PCNX2: variants seen among roughly 807,000 people sequenced by gnomAD.
PCNX2 encodes the protein pecanex-like protein 2.
PCNX2 carries 168 observed loss-of-function variants against 223.8 expected under a neutral mutation model. That is an observed-to-expected ratio of 0.75 (90% CI 0.66 to 0.85). PCNX2 has a LOEUF of 0.85. Ranked by LOEUF, PCNX2 falls within the 40% of genes least tolerant of loss-of-function variation. The pLI is 0.00. For synonymous variants in PCNX2, 1,006 were observed against 1,052.6 expected (o/e 0.96, Z 0.86); for missense variants, 2,507 against 2,675.5 (o/e 0.94, Z 1.39).
chr1:233,033,332 AGAAAAATAC>A, intron 25 of PCNX2: 1 of 367,204 alleles, frequency 2.7e-6, no homozygotes, highest in Non-Finnish European at 3.8e-6. Flanking sequence ...ATGAGAGGTA[AGAAAAATAC>A]GAACACAGAA....
At chr1:233,141,004 A>G (rs1175340112) in intron 19 of PCNX2, among the ~76,000 whole-genome samples, 1 of 152,160 alleles carries the variant, frequency 6.6e-6, no homozygotes, top group Non-Finnish European at 1.5e-5. Flanking sequence ...CAACTCCATT[A>G]CACCTCTGGA....
At chr1:233,153,394 G>A (rs970843234) in intron 19 of PCNX2, among the ~76,000 whole-genome samples, 2 of 152,150 alleles carry the variant, frequency 1.3e-5, no homozygotes, top group Admixed American at 1.3e-4. Context: ...AAGTTGGAAT[G>A]AGAAATATAC....
At chr1:233,254,910 C>T (rs1345441471) in intron 5 of PCNX2, among the ~76,000 whole-genome samples, 2 of 152,180 alleles carry the variant, frequency 1.3e-5, no homozygotes, top group African/African-American at 4.8e-5. Context: ...ATATTATAGA[C>T]AATTTTTCAA....
intron 22 of PCNX2, among the ~76,000 whole-genome samples, chr1:233,091,653 A>G (rs748614154): frequency 1.3e-5 from 2 of 150,298 alleles, no homozygotes; most frequent in Non-Finnish European, 3.0e-5. Context: ...GGATCTCTTG[A>G]GCCCAGGAGT....
rs556044650 is a variant in PCNX2, at chr1:233,017,007, C to T, written c.4753G>A (p.Val1585Ile). ...MFNINIDDDYVPCLQGITRAS... is the reference protein window; with the variant it reads ...MFNINIDDDYIPCLQGITRAS... ...CGTGTGATCCCCTGGAGACACGGGA[C>T]GTAGTCATCATCAATGTTAATGTTG... The change falls in exon 27 of 34, where the codon GTC (valine) becomes ATC (isoleucine). Residue 1585 changes from valine (V) to isoleucine (I), a missense_variant. Coordinates refer to ENST00000258229, the MANE Select transcript of PCNX2 (RefSeq NM_014801.4). 11 of 1,613,936 alleles carry T rather than the reference C, an allele frequency of 6.8e-6. No homozygotes were observed. The highest frequency in any genetic ancestry group is 5.5e-5 in the South Asian group (5 of 91,078).
chr1:233,085,775 A>G (rs1673570709), intron 23 of PCNX2, among the ~76,000 whole-genome samples: 1 of 152,154 alleles, frequency 6.6e-6, no homozygotes, highest in South Asian at 2.1e-4. Flanking sequence ...TAGAGATTAC[A>G]CAGAGAGGTT....
At position 232,991,107 on chromosome 1, in the gene PCNX2, A is replaced by C. The variant is rs539044595; in HGVS notation, c.5792-4567T>G. Among the ~76,000 whole-genome samples the C allele has an allele frequency of 6.6e-6, 1 of 152,322 alleles. No homozygotes were observed. Among genetic ancestry groups the C allele is most frequent in the East Asian group, 1.9e-4 (1 of 5,170 alleles). ...AGCTCATGGGAAATTCTGACCACAG[A>C]CAAGGCACATGCATCAGGCAGGGAT... On this transcript the variant is annotated intron_variant, in intron 32 of 33. Coordinates refer to ENST00000258229, the MANE Select transcript of PCNX2 (RefSeq NM_014801.4). This position sits in a 1 kb window ranked among gnomAD's most constrained non-coding sequence, Gnocchi z 4.3.
chr1:233,123,285 T>C (rs1306887270), intron 21 of PCNX2, among the ~76,000 whole-genome samples: 2 of 152,136 alleles, frequency 1.3e-5, no homozygotes, highest in Admixed American at 1.3e-4. Flanking sequence ...AAAATACATC[T>C]TTTAAAAAAC....
chr1:232,987,768 A>C (rs1571980963), intron 32 of PCNX2, among the ~76,000 whole-genome samples: 1 of 152,132 alleles, frequency 6.6e-6, no homozygotes, highest in East Asian at 1.9e-4. Flanking sequence ...GCCCCACCCC[A>C]CCCCACCGTG....
At chr1:233,118,146 C>T (rs1324278104) in intron 21 of PCNX2, among the ~76,000 whole-genome samples, 1 of 152,060 alleles carries the variant, frequency 6.6e-6, no homozygotes, top group East Asian at 1.9e-4. Flanking sequence ...CACAGAATTA[C>T]ATCACCCAAT....
At chr1:233,211,715 T>C (rs1029758397) in intron 12 of PCNX2, 8 of 939,154 alleles carry the variant, frequency 8.5e-6, no homozygotes, top group East Asian at 1.2e-4. Flanking sequence ...TGGGGAGGCA[T>C]GCATGTGGCA....
rs181087381 is a variant in PCNX2 at position 233,002,597 on chromosome 1, T to G, written c.4953-916A>C. Among the ~76,000 whole-genome samples, 92 of 152,306 alleles carry G rather than the reference T, an allele frequency of 6.0e-4. No homozygotes were observed. The South Asian group carries it at 0.011, about 17-fold the overall frequency. ...CATACTGCCCGAAGTAATTTATAGATTCAATGCTATCCCCATCAAGCTACC... is the reference window on the plus strand; with the variant it reads ...CATACTGCCCGAAGTAATTTATAGAGTCAATGCTATCCCCATCAAGCTACC... On this transcript the variant is annotated intron_variant, in intron 28 of 33. Transcript: ENST00000258229.
At chr1:233,293,837 A>G in intron 1 of PCNX2, 1 of 515,956 alleles carries the variant, frequency 1.9e-6, no homozygotes, top group Non-Finnish European at 2.5e-6. Flanking sequence ...AGGTCTAGTG[A>G]GCAGCAGAAC....
intron 21 of PCNX2, among the ~76,000 whole-genome samples, chr1:233,127,878 C>A (rs1176496968): frequency 6.6e-6 from 1 of 152,144 alleles, no homozygotes; most frequent in South Asian, 2.1e-4. Flanking sequence ...TGGCAGGCAC[C>A]CAGTAAGTGC....
chr1:233,319,378 CT>C, the PCNX2 span, among the ~76,000 whole-genome samples: 1 of 152,222 alleles, frequency 6.6e-6, no homozygotes, highest in Non-Finnish European at 1.5e-5. Context: ...AAGGGATTAT[CT>C]TTTCTGGTAT....
At chr1:233,197,147 A>G (rs896473835) in intron 15 of PCNX2, among the ~76,000 whole-genome samples, 8 of 152,172 alleles carry the variant, frequency 5.3e-5, no homozygotes, top group African/African-American at 7.2e-5. Context: ...ATTCAAGAAC[A>G]TTTTTTGAGT....
intron 19 of PCNX2, among the ~76,000 whole-genome samples, chr1:233,146,190 T>G (rs1358860193): frequency 6.6e-6 from 1 of 152,184 alleles, no homozygotes; most frequent in Admixed American, 6.5e-5. Context: ...TGTCACATCA[T>G]AGAGTAATTA....
intron 23 of PCNX2, among the ~76,000 whole-genome samples, chr1:233,087,836 G>A (rs1572090723): frequency 6.6e-6 from 1 of 152,100 alleles, no homozygotes; most frequent in African/African-American, 2.4e-5. Flanking sequence ...GAAAGGGCAG[G>A]TTTCCTTGTA....
At chr1:233,257,917 T>C (rs914310971) in intron 5 of PCNX2, 111 bp downstream of exon 5, 3 of 1,378,460 alleles carry the variant, frequency 2.2e-6, no homozygotes, top group Non-Finnish European at 2.9e-6. Context: ...CAACAAACGA[T>C]TGCCCAAGAG....
Sources: gnomAD v4.1 joint callset for allele counts (sites outside exome capture counted in the v4.1 genomes callset) on GRCh38, gnomAD v4.1.1 for gene constraint, Gnocchi (gnomAD v3.1) non-coding constraint, MANE v1.5 for transcripts, NCBI Gene and HGNC (gene_info 2026-07-23, HGNC 2026-07-21) for gene names.